The following PDZRN3 variants were observed in gnomAD, a reference collection of about 807,000 sequenced individuals.
The protein encoded by PDZRN3 is E3 ubiquitin-protein ligase PDZRN3.
In PDZRN3, 38 loss-of-function variants were observed where a neutral mutation model predicts 85.7. The ratio of observed to expected loss-of-function variants is 0.44; its 90% CI spans 0.34 to 0.58. The LOEUF (loss-of-function observed/expected upper bound fraction) is 0.58, where lower values mean the gene tolerates loss of function less well. Among genes scored for constraint, PDZRN3 ranks in the 20% least tolerant of loss-of-function variants. PDZRN3 has a pLI of 0.01. For missense variants in PDZRN3, 1,629 were observed against 1,506.4 expected, an observed-to-expected ratio of 1.08 and a Z score of -1.35; for synonymous variants, 759 against 638.0, an observed-to-expected ratio of 1.19 and a Z score of -2.86.
At chr3:73,481,176 C>CT (rs1703553858) in intron 3 of PDZRN3, among the ~76,000 whole-genome samples, 1 of 152,216 alleles carries the variant, frequency 6.6e-6, no homozygotes, top group South Asian at 2.1e-4. Flanking sequence ...TCTGAGCCCT[C>CT]TGACACAAAG....
intron 3 of PDZRN3, chr3:73,569,008 AG>A: frequency 2.5e-6 from 1 of 406,586 alleles, no homozygotes; most frequent in Non-Finnish European, 4.8e-6. Flanking sequence ...CTCAGGAGGT[AG>A]GTATCATTAT....
intron 3 of PDZRN3, among the ~76,000 whole-genome samples, chr3:73,541,685 G>T (rs576051194): frequency 6.6e-6 from 1 of 152,068 alleles, no homozygotes; most frequent in South Asian, 2.1e-4. Flanking sequence ...ATAACTATTA[G>T]CAAAGTCTCA....
intron 3 of PDZRN3, among the ~76,000 whole-genome samples, chr3:73,596,031 CAT>C (rs755084180): frequency 7.9e-5 from 12 of 152,228 alleles, no homozygotes; most frequent in Middle Eastern, 3.4e-3. Flanking sequence ...AAAAAATGCA[CAT>C]GTCAGAAGTG....
At chr3:73,564,014 TCTGGGCTG>T (rs1457256152) in intron 3 of PDZRN3, among the ~76,000 whole-genome samples, 46 of 152,236 alleles carry the variant, frequency 3.0e-4, no homozygotes, top group Middle Eastern at 6.8e-3. Context: ...CCCCTGGGCT[TCTGGGCTG>T]CTGTGAGCAC....
chr3:73,548,129 C>T (rs1401243858), intron 3 of PDZRN3, among the ~76,000 whole-genome samples: 1 of 152,096 alleles, frequency 6.6e-6, no homozygotes, highest in African/African-American at 2.4e-5. Context: ...TAAGACTAGG[C>T]CAACAACCCC....
intron 3 of PDZRN3, among the ~76,000 whole-genome samples, chr3:73,477,060 G>A (rs1202000425): frequency 6.6e-6 from 1 of 152,140 alleles, no homozygotes; most frequent in Non-Finnish European, 1.5e-5. Flanking sequence ...GTATCAGACA[G>A]CATGTGAAAT....
rs1260141506 is a variant in PDZRN3 at position 73,513,942 on chromosome 3, G to C, written c.918+88412C>G. On this transcript the variant is annotated intron_variant, in intron 3 of 9. Transcript: ENST00000263666. ...CAAGGTTTCTATGTCCTTCTAGTTG[G>C]TACATTCACAGATAGGATATTTAAG... Among the ~76,000 whole-genome samples the C allele has an allele frequency of 6.6e-5, 10 of 152,264 alleles. No individual in the cohort carries two copies. The East Asian group carries it at 1.5e-3, about 23-fold the overall frequency.
chr3:73,395,949 G>A (rs1054614490), intron 5 of PDZRN3, among the ~76,000 whole-genome samples: 13 of 152,210 alleles, frequency 8.5e-5, no homozygotes, highest in African/African-American at 3.1e-4. Context: ...TGGGCCGGGT[G>A]CAGTGGCTCA....
At chr3:73,571,983 G>A (rs9990422) in intron 3 of PDZRN3, among the ~76,000 whole-genome samples, 3,297 of 152,270 alleles carry the variant, frequency 0.022, 131 homozygotes, top group African/African-American at 0.076. Context: ...TTGAGCAAGG[G>A]ACAGTATGAT....
intron 3 of PDZRN3, among the ~76,000 whole-genome samples, chr3:73,416,766 C>G (rs1457907433): frequency 6.6e-6 from 1 of 151,848 alleles, no homozygotes; most frequent in East Asian, 1.9e-4. Flanking sequence ...GCTCTTAAAA[C>G]TCTGTTCTTC....
At chr3:73,502,545 T>C (rs112890850) in intron 3 of PDZRN3, among the ~76,000 whole-genome samples, 3,842 of 152,348 alleles carry the variant, frequency 0.025, 51 homozygotes, top group Middle Eastern at 0.051. Flanking sequence ...TCTTTTACTA[T>C]AGCGGTTTCC....
At chr3:73,452,839 CTG>C (rs35308043) in intron 3 of PDZRN3, among the ~76,000 whole-genome samples, 22,928 of 140,642 alleles carry the variant, frequency 0.16, 2,131 homozygotes, top group Non-Finnish European at 0.23. Context: ...GTCCATATAT[CTG>C]TGTGTGTGTG....
At chr3:73,496,947 G>A (rs995530847) in intron 3 of PDZRN3, among the ~76,000 whole-genome samples, 1 of 152,136 alleles carries the variant, frequency 6.6e-6, no homozygotes, top group African/African-American at 2.4e-5. Context: ...TAACGTATGG[G>A]CACAGCAAAT....
intron 1 of PDZRN3, among the ~76,000 whole-genome samples, chr3:73,617,840 G>A (rs1559759397): frequency 6.6e-6 from 1 of 152,096 alleles, no homozygotes; most frequent in Non-Finnish European, 1.5e-5. Flanking sequence ...CCAGTAGCTG[G>A]GACTACAGGT....
chr3:73,577,539 G>A (rs946302579), intron 3 of PDZRN3, among the ~76,000 whole-genome samples: 4 of 152,088 alleles, frequency 2.6e-5, no homozygotes, highest in Non-Finnish European at 5.9e-5. Context: ...GGTCTCCCTC[G>A]CTCCCTGGCT....
chr3:73,558,171 T>C (rs1472126418), intron 3 of PDZRN3, among the ~76,000 whole-genome samples: 1 of 149,018 alleles, frequency 6.7e-6, no homozygotes, highest in African/African-American at 2.5e-5. Flanking sequence ...GTAATGCAAA[T>C]AAAATCTTTG....
intron 3 of PDZRN3, among the ~76,000 whole-genome samples, chr3:73,453,270 A>G (rs1872959): frequency 0.89 from 135,576 of 151,938 alleles, 60,594 homozygotes; most frequent in East Asian, 1. Context: ...GCTGGGTGTG[A>G]TGGTGTGCAC....
intron 3 of PDZRN3, among the ~76,000 whole-genome samples, chr3:73,496,345 T>C (rs1000490791): frequency 1.4e-5 from 2 of 147,894 alleles, no homozygotes; most frequent in African/African-American, 2.5e-5. Context: ...TTATTAACAC[T>C]TTATTATGGA....
intron 3 of PDZRN3, among the ~76,000 whole-genome samples, chr3:73,529,479 AC>A (rs1316996366): frequency 6.6e-6 from 1 of 152,170 alleles, no homozygotes; most frequent in African/African-American, 2.4e-5. Flanking sequence ...TACAGTGAGA[AC>A]GTTTGCACTG....
Sources: allele counts gnomAD v4.1 joint callset (sites outside exome capture counted in the v4.1 genomes callset), GRCh38; gene constraint gnomAD v4.1.1; transcripts MANE v1.5; gene names NCBI Gene and HGNC (gene_info 2026-07-23, HGNC 2026-07-21).